The following ARF1 variants were observed in gnomAD, a reference collection of about 807,000 sequenced individuals.
The protein encoded by ARF1 is ADP-ribosylation factor 1.
Under a neutral mutation model 18.0 loss-of-function variants are expected in ARF1, and 1 was observed. That is an observed-to-expected ratio of 0.06 (90% CI 0.02 to 0.26). The LOEUF (loss-of-function observed/expected upper bound fraction) is 0.26. ARF1 is among the 10% of genes least tolerant of loss of function. ARF1 has a pLI of 1.00. For missense variants in ARF1, 73 were observed against 247.2 expected (o/e 0.30, Z 4.73); for synonymous variants, 112 against 96.3 (o/e 1.16, Z -0.95).
rs1480071074 is a variant in ARF1, at chr1:228,097,904, A to G, written c.437A>G (p.His146Arg). 6.2e-7 allele frequency: 1 copy of G among 1,613,884 alleles called. No individual in the cohort carries two copies. Among genetic ancestry groups the G allele is most frequent in the Admixed American group, 1.7e-5 (1 of 59,990 alleles). ...GAGATCACAGACAAGCTGGGGCTGC[A>G]CTCACTACGCCACAGGAACTGGTAC... ...AAEITDKLGL[H>R]SLRHRNWYIQ... Residue 146 changes from histidine to arginine, a missense_variant, in exon 5 of 5, where the codon CAC (histidine) becomes CGC (arginine). Around this residue, in one of 3 missense-constraint regions of ARF1, gnomAD observed 48 missense variants for 144.7 expected, o/e 0.33. Coordinates refer to ENST00000272102, the MANE Select transcript of ARF1 (RefSeq NM_001658.4). This position sits in a 1 kb window ranked among gnomAD's most constrained non-coding sequence, Gnocchi z 8.1.
At position 228,097,837 on chromosome 1, in the gene ARF1, C is replaced by G; in HGVS notation, c.385-15C>G. ...CCTGTGGACAGCCCTTCCCACCAAC[C>G]CTTCCTTCCCCCAGGACCTCCCCAA... is the stretch of plus-strand genomic sequence containing the variant. On this transcript the variant is annotated splice_polypyrimidine_tract_variant and intron_variant, in intron 4 of 4. Transcript: ENST00000272102. This position sits in a 1 kb window ranked among gnomAD's most constrained non-coding sequence, Gnocchi z 8.1. 1.2e-6 allele frequency: 2 copies of G among 1,610,566 alleles called. No individual in the cohort carries two copies. The highest frequency in any genetic ancestry group is 1.7e-6 in the Non-Finnish European group (2 of 1,177,830).
In ARF1 at chr1:228,097,385, T is replaced by C. The variant is rs11541558; in HGVS notation, c.192T>C (p.Thr64=). The C allele has an allele frequency of 1.9e-6, 3 of 1,614,066 alleles. No individual in the cohort carries two copies. Among genetic ancestry groups the C allele is most frequent in the Admixed American group, 1.7e-5 (1 of 60,012 alleles). Residue 64 remains threonine, a synonymous_variant, in exon 3 of 5, where the codon ACT becomes ACC. Coordinates refer to ENST00000272102, the MANE Select transcript of ARF1 (RefSeq NM_001658.4). The surrounding 1 kb of genome is among the most constrained non-coding windows in gnomAD (Gnocchi z 8.1). The part of the protein sequence containing the change: ...ETVEYKNISF[T]VWDVGGQDKI... ...TGGAGTACAAGAACATCAGCTTCAC[T>C]GTGTGGGACGTGGGTGGCCAGGACA...
chr1:228,097,426 G>A lies in ARF1; in HGVS notation c.233G>A (p.Trp78Ter). 1.2e-6 allele frequency: 2 copies of A among 1,614,164 alleles called. No homozygotes were observed. The highest frequency in any genetic ancestry group is 1.7e-6 in the Non-Finnish European group (2 of 1,180,028). Residue 78 changes from tryptophan (W) to a stop codon, truncating the protein, a stop_gained, in exon 3 of 5, where the codon TGG becomes TAG. Coordinates refer to ENST00000272102, the MANE Select transcript of ARF1 (RefSeq NM_001658.4). LOFTEE classifies it high-confidence loss of function. This position sits in a 1 kb window ranked among gnomAD's most constrained non-coding sequence, Gnocchi z 8.1. ...VGGQDKIRPL[W>*]RHYFQNTQGL... ...GGCCAGGACAAGATCCGGCCCCTGT[G>A]GCGCCACTACTTCCAGAACACACAA...
chr1:228,088,954 G>A (rs1353222083), intron 1 of ARF1, among the ~76,000 whole-genome samples: 4 of 152,148 alleles, frequency 2.6e-5, no homozygotes, highest in African/African-American at 7.2e-5. Flanking sequence ...CTGATCGGGC[G>A]GCAGCCGTGG....
intron 1 of ARF1, among the ~76,000 whole-genome samples, chr1:228,087,251 G>A (rs2124844307): frequency 6.6e-6 from 1 of 152,274 alleles, no homozygotes; most frequent in Non-Finnish European, 1.5e-5. Context: ...CGCTATGCGG[G>A]AAACTTTTAA....
Position 228,098,116 on chromosome 1 carries a change from G to T in ARF1, c.*103G>T. 1 of 1,416,864 alleles carries T rather than the reference G, an allele frequency of 7.1e-7. No individual in the cohort carries two copies. The allele number at this position is 1,416,864 out of a possible 1,614,324, so 87.8% of individuals were successfully genotyped here. ...TGCCAGAAGCTGCCTCCGTGGTTTG[G>T]TCACCGTGTGCATCGCACCGTGCTG... On this transcript the variant is annotated 3_prime_UTR_variant, in exon 5 of 5. Coordinates refer to ENST00000272102, the MANE Select transcript of ARF1 (RefSeq NM_001658.4).
At position 228,089,658 on chromosome 1, in the gene ARF1, G is replaced by A. The variant is rs1462594884; in HGVS notation, c.-38+6893G>A. 6.6e-6 allele frequency among the ~76,000 whole-genome samples: 1 copy of A among 152,154 alleles called. No individual in the cohort carries two copies. The highest frequency in any genetic ancestry group is 1.5e-5 in the Non-Finnish European group (1 of 68,012). ...TAACCTGGTGCGGAGAAGCTACAAG[G>A]GCCCCACCCCCTTCTAGTGGTTGGA... On this transcript the variant is annotated intron_variant, in intron 1 of 4. Coordinates refer to ENST00000272102, the MANE Select transcript of ARF1 (RefSeq NM_001658.4). This position sits in a 1 kb window ranked among gnomAD's most constrained non-coding sequence, Gnocchi z 4.1.
intron 1 of ARF1, among the ~76,000 whole-genome samples, chr1:228,083,860 C>G (rs1019244440): frequency 6.6e-6 from 1 of 152,220 alleles, no homozygotes; most frequent in Non-Finnish European, 1.5e-5. Context: ...AGGAATTGAG[C>G]AGAAATGCAC....
intron 1 of ARF1, among the ~76,000 whole-genome samples, chr1:228,092,126 T>A (rs1274248310): frequency 2.0e-5 from 3 of 152,332 alleles, no homozygotes; most frequent in African/African-American, 7.2e-5. Context: ...TATCTGTCAG[T>A]GAACTTGACT....
In ARF1 at chr1:228,098,037, C is replaced by T. The variant is rs1558088119; in HGVS notation, c.*24C>T. The T allele has an allele frequency of 1.3e-6, 2 of 1,594,360 alleles. No individual in the cohort carries two copies. The highest frequency in any genetic ancestry group is 1.7e-6 in the Non-Finnish European group (2 of 1,167,954). On this transcript the variant is annotated 3_prime_UTR_variant, in exon 5 of 5. Transcript: ENST00000272102. ...GAACGCGACCCCCCTCCCTCTCACT[C>T]CTCTTGCCCTCTGCTTTACTCTCAT... is the stretch of plus-strand genomic sequence containing the variant.
rs1211355720 is a variant in ARF1, at chr1:228,098,118, C to T, written c.*105C>T. 1.4e-6 allele frequency: 2 copies of T among 1,395,442 alleles called. No individual in the cohort carries two copies. Among genetic ancestry groups the T allele is most frequent in the Non-Finnish European group, 1.9e-6 (2 of 1,026,554 alleles). The allele number at this position is 1,395,442 out of a possible 1,614,324, so 86.4% of individuals were successfully genotyped here. Reference sequence around the variant, plus strand: ...CCAGAAGCTGCCTCCGTGGTTTGGTCACCGTGTGCATCGCACCGTGCTGTA... The same window carrying T: ...CCAGAAGCTGCCTCCGTGGTTTGGTTACCGTGTGCATCGCACCGTGCTGTA... On this transcript the variant is annotated 3_prime_UTR_variant, in exon 5 of 5. Coordinates refer to ENST00000272102, the MANE Select transcript of ARF1 (RefSeq NM_001658.4).
In ARF1 at chr1:228,098,251, T is replaced by TA; in HGVS notation, c.*239dup. 2.3e-6 allele frequency: 1 copy of TA among 427,810 alleles called. No individual in the cohort carries two copies. The highest frequency in any genetic ancestry group is 4.1e-5 in the East Asian group (1 of 24,434). The allele number at this position is 427,810 out of a possible 1,614,324, so 26.5% of individuals were successfully genotyped here. The stretch of plus-strand genomic sequence containing the variant: ...CTATGCAATATTACTCAGCTTTTTT[T>TA]ATTGTAAAAAGAAAAATCAACTCAC... On this transcript the variant is annotated 3_prime_UTR_variant, in exon 5 of 5. Transcript: ENST00000272102.
Position 228,089,544 on chromosome 1 carries a change from A to G in ARF1, c.-38+6779A>G, listed in dbSNP as rs953152239. 4.6e-5 allele frequency among the ~76,000 whole-genome samples: 7 copies of G among 152,208 alleles called. No homozygotes were observed. Among genetic ancestry groups the G allele is most frequent in the Non-Finnish European group, 8.8e-5 (6 of 68,038 alleles). On this transcript the variant is annotated intron_variant, in intron 1 of 4. Coordinates refer to ENST00000272102, the MANE Select transcript of ARF1 (RefSeq NM_001658.4). This position sits in a 1 kb window ranked among gnomAD's most constrained non-coding sequence, Gnocchi z 4.1. ...TTTGTGTGGTGTTTCCCCTCAGCCT[A>G]CATTTTTAAAATGAACGTTTCTTGA...
intron 1 of ARF1, chr1:228,090,916 G>A (rs2032557504): frequency 6.6e-6 from 1 of 152,320 alleles, no homozygotes; most frequent in Non-Finnish European, 1.5e-5. Context: ...GCTGTGGTCA[G>A]AGGTCATGAG....
Position 228,085,917 on chromosome 1 carries a change from G to A in ARF1, c.-38+3152G>A, listed in dbSNP as rs565511779. Among the ~76,000 whole-genome samples, 11 of 152,244 alleles carry A rather than the reference G, an allele frequency of 7.2e-5. No homozygotes were observed. The South Asian group carries it at 2.1e-3, about 29-fold the overall frequency. ...CCTGGCTAAAATACTTGGAATCTCC[G>A]AAGTGATGATGTCTTTTTGTACCCT... is the stretch of plus-strand genomic sequence containing the variant. On this transcript the variant is annotated intron_variant, in intron 1 of 4. Coordinates refer to ENST00000272102, the MANE Select transcript of ARF1 (RefSeq NM_001658.4).
chr1:228,087,974 C>CA (rs1216834763), intron 1 of ARF1: 1 of 152,216 alleles, frequency 6.6e-6, no homozygotes, highest in East Asian at 1.9e-4. Context: ...GCCTGATAAA[C>CA]ATTCTTTTGC....
At chr1:228,096,957 C>G in intron 1 of ARF1, 121 bp from the exon 2 acceptor site, 1 of 914,308 alleles carries the variant, frequency 1.1e-6, no homozygotes, top group Non-Finnish European at 1.6e-6. Context: ...GGCTCTTTCC[C>G]TGTTTCCCTG....
At chr1:228,094,581 A>T (rs1027643265) in intron 1 of ARF1, among the ~76,000 whole-genome samples, 1 of 151,930 alleles carries the variant, frequency 6.6e-6, no homozygotes. Context: ...TTCCTGCTCC[A>T]GTCTGAGGGG....
Position 228,097,625 on chromosome 1 carries a change from G to C in ARF1, c.294G>C (p.Glu98Asp). Reference protein sequence around the residue: ...LIFVVDSNDRERVNEAREELM... With the variant: ...LIFVVDSNDRDRVNEAREELM... ...TCGTGGTGGACAGCAATGACAGAGAGCGTGTGAACGAGGCCCGTGAGGAGC... is the reference window on the plus strand; with the variant it reads ...TCGTGGTGGACAGCAATGACAGAGACCGTGTGAACGAGGCCCGTGAGGAGC... The change falls in exon 4 of 5, where the codon GAG (glutamate) becomes GAC (aspartate). Residue 98 changes from glutamate to aspartate, a missense_variant. By Grantham distance (45) the Glu-to-Asp change is conservative. This residue lies in a region of ARF1 where 48 missense variants were observed against 144.7 expected (regional missense o/e 0.33). Coordinates refer to ENST00000272102, the MANE Select transcript of ARF1 (RefSeq NM_001658.4). This position sits in a 1 kb window ranked among gnomAD's most constrained non-coding sequence, Gnocchi z 8.1. 1 of 1,614,190 alleles carries C rather than the reference G, an allele frequency of 6.2e-7. No individual in the cohort carries two copies. The highest frequency in any genetic ancestry group is 8.5e-7 in the Non-Finnish European group (1 of 1,180,030).
Sources: gnomAD v4.1 joint callset for allele counts (sites outside exome capture counted in the v4.1 genomes callset) on GRCh38, gnomAD v4.1.1 for gene constraint, gnomAD v4.1.1 regional missense constraint, Gnocchi (gnomAD v3.1) non-coding constraint, MANE v1.5 for transcripts, NCBI Gene and HGNC (gene_info 2026-07-23, HGNC 2026-07-21) for gene names.